Variants in DPY19L3 observed in about 807,000 individuals in gnomAD.
DPY19L3 encodes the protein protein C-mannosyl-transferase DPY19L3.
A neutral mutation model predicts 92.3 loss-of-function variants in DPY19L3; 51 were observed. That is an observed-to-expected ratio of 0.55 (90% confidence interval 0.44 to 0.70). DPY19L3 has a LOEUF of 0.70. Among genes scored for constraint, DPY19L3 ranks in the 30% least tolerant of loss-of-function variants. DPY19L3 has a pLI of 0.00. For synonymous variants in DPY19L3, 309 were observed against 315.2 expected, an observed-to-expected ratio of 0.98 and a Z score of 0.21; for missense variants, 706 against 855.9, an observed-to-expected ratio of 0.82 and a Z score of 2.18.
chr19:32,424,224 G>A (rs544469353), intron 3 of DPY19L3, among the ~76,000 whole-genome samples: 16 of 151,746 alleles, frequency 1.1e-4, no homozygotes, highest in Non-Finnish European at 2.1e-4. Context: ...GGAAGCTGAG[G>A]CAGGAGGGTC....
intron 18 of DPY19L3, chr19:32,481,784 A>G (rs549310426): frequency 4.1e-4 from 105 of 257,188 alleles, no homozygotes; most frequent in Middle Eastern, 1.2e-3. Flanking sequence ...TTTCATTTCT[A>G]TGAGAGAGAC....
chr19:32,465,505 A>ATT (rs377221238), intron 15 of DPY19L3, among the ~76,000 whole-genome samples: 1 of 151,892 alleles, frequency 6.6e-6, no homozygotes, highest in Non-Finnish European at 1.5e-5. Flanking sequence ...TTAAGTTTAT[A>ATT]TTTTTTTTCC....
intron 8 of DPY19L3, among the ~76,000 whole-genome samples, chr19:32,443,750 A>G (rs1375175100): frequency 6.6e-6 from 1 of 152,164 alleles, no homozygotes; most frequent in Non-Finnish European, 1.5e-5. Flanking sequence ...CCATAATGTA[A>G]TAGGATACAG....
chr19:32,412,312 A>C (rs1599583402), intron 3 of DPY19L3: 1 of 147,740 alleles, frequency 6.8e-6, no homozygotes, highest in Admixed American at 6.6e-5. Context: ...AATGAAATCA[A>C]AAAGAAAGAA....
chr19:32,413,596 C>A (rs557543337), intron 3 of DPY19L3, among the ~76,000 whole-genome samples: 1 of 141,418 alleles, frequency 7.1e-6, no homozygotes, highest in Non-Finnish European at 1.5e-5. Context: ...GCTATCCCTC[C>A]CCCTCCCCCC....
intron 3 of DPY19L3, among the ~76,000 whole-genome samples, chr19:32,414,730 C>T (rs1027778296): frequency 3.9e-5 from 6 of 152,132 alleles, no homozygotes; most frequent in African/African-American, 1.2e-4. Flanking sequence ...TGCTAACAAC[C>T]GTATAGCAAG....
At chr19:32,420,625 T>C (rs915401258) in intron 3 of DPY19L3, among the ~76,000 whole-genome samples, 1 of 152,068 alleles carries the variant, frequency 6.6e-6, no homozygotes, top group African/African-American at 2.4e-5. Flanking sequence ...AACTTTTGTA[T>C]TTTTAGTAGA....
At chr19:32,427,969 T>G (rs1370937505) in intron 3 of DPY19L3, 1 of 29,542 alleles carries the variant, frequency 3.4e-5, no homozygotes, top group Non-Finnish European at 7.3e-5. Flanking sequence ...TAAACAAATC[T>G]TTTTTTTTTT....
chr19:32,410,450 G>A lies in DPY19L3; in HGVS notation c.104-789G>A, dbSNP rs138330871. Among the ~76,000 whole-genome samples, 196 of 152,184 alleles carry A rather than the reference G, an allele frequency of 1.3e-3. 2 individuals are homozygous for A. In the East Asian group the frequency reaches 0.029, roughly 22 times the overall value. ...TATTCTGTGGGTTTTTCCCCCCAGA[G>A]CATTCCTGCAAAACCTGTGGGTTTA... On this transcript the variant is annotated intron_variant, in intron 2 of 18. Coordinates refer to ENST00000392250, the MANE Select transcript of DPY19L3 (RefSeq NM_001172774.2).
At chr19:32,469,687 A>C (rs1297604947) in intron 16 of DPY19L3, among the ~76,000 whole-genome samples, 2 of 152,080 alleles carry the variant, frequency 1.3e-5, no homozygotes, top group African/African-American at 4.8e-5. Flanking sequence ...TGAATATCAT[A>C]ATGCTTTAGT....
Position 32,483,851 on chromosome 19 carries a change from C to T in DPY19L3, c.*1611C>T, listed in dbSNP as rs1324877036. On this transcript the variant is annotated 3_prime_UTR_variant, in exon 19 of 19. Transcript: ENST00000392250. Reference sequence around the variant, plus strand: ...ATCAGTACTAAAACTTTAATTAAGCCAATAATGATGCATGCCTGTTGTAGC... The same window carrying T: ...ATCAGTACTAAAACTTTAATTAAGCTAATAATGATGCATGCCTGTTGTAGC... 3 of 152,518 alleles carry T rather than the reference C, an allele frequency of 2.0e-5. No homozygotes were observed. The highest frequency in any genetic ancestry group is 4.4e-5 in the Non-Finnish European group (3 of 68,010). 9.4% of individuals were successfully genotyped at this position (152,518 alleles called of 1,614,324 possible).
Position 32,463,448 on chromosome 19 carries a change from C to T in DPY19L3, c.1405C>T (p.His469Tyr). The T allele has an allele frequency of 6.2e-7, 1 of 1,613,720 alleles. No individual in the cohort carries two copies. Among genetic ancestry groups the T allele is most frequent in the Non-Finnish European group, 8.5e-7 (1 of 1,179,782 alleles). ...LKPETAYNLIHTILFGFLALS... is the reference protein window; with the variant it reads ...LKPETAYNLIYTILFGFLALS... ...ACCAGAAACTGCCTACAACTTAATA[C>T]ATACCATTCTGTTTGGATTCTTGGC... Residue 469 changes from histidine (H) to tyrosine (Y), a missense_variant, in exon 13 of 19, where the codon CAT becomes TAT. By Grantham distance (83) the His-to-Tyr change is moderately conservative. Coordinates refer to ENST00000392250, the MANE Select transcript of DPY19L3 (RefSeq NM_001172774.2).
At chr19:32,407,273 C>CCCG (rs1555714174) in intron 1 of DPY19L3, among the ~76,000 whole-genome samples, 1 of 100,362 alleles carries the variant, frequency 1.0e-5, no homozygotes, top group Admixed American at 9.3e-5. Flanking sequence ...CTCCCCCCCA[C>CCCG]CCATTACTCC....
rs775179478 is a variant in DPY19L3, at chr19:32,484,995, C to T, written c.*2755C>T. 6.6e-6 allele frequency: 1 copy of T among 152,066 alleles called. No homozygotes were observed. Among genetic ancestry groups the T allele is most frequent in the African/African-American group, 2.4e-5 (1 of 41,388 alleles). The allele number at this position is 152,066 out of a possible 1,614,324, so 9.4% of individuals were successfully genotyped here. A position where few individuals can be genotyped will look rare whatever the true frequency, so the allele number is the denominator to read the frequency against. ...TAGATTTATTTAAGTACTCATCCCACCTTTAAAACCTCTAAACTGAGAAGA... is the reference window on the plus strand; with the variant it reads ...TAGATTTATTTAAGTACTCATCCCATCTTTAAAACCTCTAAACTGAGAAGA... On this transcript the variant is annotated 3_prime_UTR_variant, in exon 19 of 19. Coordinates refer to ENST00000392250, the MANE Select transcript of DPY19L3 (RefSeq NM_001172774.2).
chr19:32,448,401 G>A (rs542083861), intron 8 of DPY19L3, among the ~76,000 whole-genome samples: 1 of 152,070 alleles, frequency 6.6e-6, no homozygotes, highest in Admixed American at 6.6e-5. Context: ...TACTGGTGCC[G>A]ATGTCTCCCC....
At chr19:32,460,572 CTG>C (rs1186238446) in intron 12 of DPY19L3, among the ~76,000 whole-genome samples, 1 of 152,184 alleles carries the variant, frequency 6.6e-6, no homozygotes, top group Non-Finnish European at 1.5e-5. Flanking sequence ...TTTATAAACA[CTG>C]TGCACTTAGG....
chr19:32,453,526 A>G (rs1021243080), intron 9 of DPY19L3, among the ~76,000 whole-genome samples: 2 of 152,168 alleles, frequency 1.3e-5, no homozygotes, highest in Admixed American at 1.3e-4. Flanking sequence ...GGGATCAGCC[A>G]AAGATGCTTG....
At chr19:32,478,655 A>C (rs1301146935) in intron 17 of DPY19L3, among the ~76,000 whole-genome samples, 7 of 152,218 alleles carry the variant, frequency 4.6e-5, no homozygotes. Flanking sequence ...TTACAGAAGA[A>C]GTGGCATTCT....
chr19:32,448,174 T>C (rs1969579606), intron 8 of DPY19L3, among the ~76,000 whole-genome samples: 1 of 152,170 alleles, frequency 6.6e-6, no homozygotes, highest in South Asian at 2.1e-4. Flanking sequence ...TATTGCATAG[T>C]GGTTAAGAAC....
Sources: allele counts gnomAD v4.1 joint callset (sites outside exome capture counted in the v4.1 genomes callset), GRCh38; gene constraint gnomAD v4.1.1; transcripts MANE v1.5; gene names NCBI Gene and HGNC (gene_info 2026-07-23, HGNC 2026-07-21).